Variants in WWOX observed in about 807,000 individuals in gnomAD.
WWOX encodes WW domain-containing oxidoreductase.
In WWOX, 69 loss-of-function variants were observed where a neutral mutation model predicts 46.2. The ratio of observed to expected loss-of-function variants is 1.49; its 90% CI spans 1.23 to 1.82. The LOEUF (loss-of-function observed/expected upper bound fraction) is 1.82, where lower values mean the gene tolerates loss of function less well. Ranked by LOEUF, WWOX falls within the 40% of genes most tolerant of loss-of-function variation. The pLI is 0.00. For missense variants in WWOX, 919 were observed against 542.6 expected (o/e 1.69, Z -6.89); for synonymous variants, 359 against 202.6 (o/e 1.77, Z -6.56).
chr16:78,861,852 G>C (rs2151192546), intron 8 of WWOX, among the ~76,000 whole-genome samples: 1 of 152,252 alleles, frequency 6.6e-6, no homozygotes, highest in African/African-American at 2.4e-5. Flanking sequence ...CATGTTTCCA[G>C]GCCTCTAATG....
At chr16:78,668,149 A>G (rs1319824408) in intron 8 of WWOX, among the ~76,000 whole-genome samples, 2 of 152,098 alleles carry the variant, frequency 1.3e-5, no homozygotes, top group African/African-American at 4.8e-5. Context: ...CTGTGGTGGC[A>G]CATGCCTGTA....
intron 8 of WWOX, among the ~76,000 whole-genome samples, chr16:78,474,973 A>C: frequency 6.6e-6 from 1 of 152,196 alleles, no homozygotes; most frequent in South Asian, 2.1e-4. Flanking sequence ...TATTTAATTT[A>C]TTTAGGCACG....
chr16:78,288,194 A>G (rs1248961817), intron 5 of WWOX, among the ~76,000 whole-genome samples: 2 of 152,042 alleles, frequency 1.3e-5, no homozygotes, highest in East Asian at 1.9e-4. Flanking sequence ...TTTTTATTTA[A>G]TATGGCCGGT....
intron 5 of WWOX, among the ~76,000 whole-genome samples, chr16:78,237,932 T>G (rs1170457793): frequency 6.6e-6 from 1 of 152,218 alleles, no homozygotes; most frequent in Non-Finnish European, 1.5e-5. Context: ...ACAACAATTT[T>G]CAGTCTTTTT....
chr16:78,276,961 C>T (rs1333980587), intron 5 of WWOX, among the ~76,000 whole-genome samples: 1 of 152,166 alleles, frequency 6.6e-6, no homozygotes, highest in East Asian at 1.9e-4. Flanking sequence ...TATAACATTA[C>T]ATATTCATGG....
chr16:79,085,170 G>A (rs759059368), intron 8 of WWOX, among the ~76,000 whole-genome samples: 1 of 151,978 alleles, frequency 6.6e-6, no homozygotes, highest in Non-Finnish European at 1.5e-5. Flanking sequence ...ACAAAAACAC[G>A]GGAGTACCAT....
rs1002408678 is a variant in WWOX, at chr16:78,867,726, G to T, written c.1057-343882G>T. ...TGGCTAATTAAGTGAGTTTCTTAAA[G>T]TCCTACAACTGGTGAGCTGTGAGCT... is the stretch of plus-strand genomic sequence containing the variant. On this transcript the variant is annotated intron_variant, in intron 8 of 8. Transcript: ENST00000566780. Among the ~76,000 whole-genome samples, 6 of 152,116 alleles carry T rather than the reference G, an allele frequency of 3.9e-5. No individual in the cohort carries two copies. In the Middle Eastern group the frequency reaches 0.014, roughly 345 times the overall value.
intron 8 of WWOX, among the ~76,000 whole-genome samples, chr16:78,773,442 G>A (rs2050114656): frequency 6.6e-6 from 1 of 152,194 alleles, no homozygotes; most frequent in Admixed American, 6.5e-5. Flanking sequence ...CTCCCCTCGG[G>A]ACATTCCTCC....
At chr16:78,475,000 C>T (rs1016115377) in intron 8 of WWOX, among the ~76,000 whole-genome samples, 19 of 152,076 alleles carry the variant, frequency 1.2e-4, no homozygotes, top group Admixed American at 6.6e-5. Flanking sequence ...TTATGAGATT[C>T]ATCTTTGTAG....
At chr16:79,204,440 G>A (rs1409499400) in intron 8 of WWOX, 2 of 152,062 alleles carry the variant, frequency 1.3e-5, no homozygotes, top group African/African-American at 2.4e-5. Flanking sequence ...CCCCAGCAAA[G>A]CATGTCTAGG....
intron 8 of WWOX, among the ~76,000 whole-genome samples, chr16:79,210,583 C>G (rs1403932308): frequency 1.3e-5 from 2 of 152,168 alleles, no homozygotes; most frequent in Admixed American, 6.5e-5. Flanking sequence ...CTCTCATCAG[C>G]TGAAAATTAG....
At chr16:78,471,285 A>G (rs2084214181) in intron 8 of WWOX, among the ~76,000 whole-genome samples, 1 of 152,240 alleles carries the variant, frequency 6.6e-6, no homozygotes, top group Admixed American at 6.5e-5. Context: ...TGATGCAAAC[A>G]TGGAATACAG....
intron 8 of WWOX, among the ~76,000 whole-genome samples, chr16:78,523,807 A>G (rs1567621136): frequency 1.3e-5 from 2 of 152,204 alleles, no homozygotes; most frequent in African/African-American, 2.4e-5. Flanking sequence ...ACAGCTGCTC[A>G]CACACTCCCT....
At chr16:78,202,813 T>G (rs533832436) in intron 5 of WWOX, among the ~76,000 whole-genome samples, 7 of 34,782 alleles carry the variant, frequency 2.0e-4, no homozygotes, top group South Asian at 1.1e-3. Flanking sequence ...GCCTGGTGGG[T>G]TTTTTTTTTT....
intron 8 of WWOX, among the ~76,000 whole-genome samples, chr16:78,480,209 A>G (rs538218908): frequency 1.3e-5 from 2 of 152,356 alleles, no homozygotes; most frequent in African/African-American, 4.8e-5. Flanking sequence ...AATCTTCAGT[A>G]GCCAGATGTG....
At chr16:78,445,519 C>G (rs1320949318) in intron 8 of WWOX, among the ~76,000 whole-genome samples, 1 of 152,200 alleles carries the variant, frequency 6.6e-6, no homozygotes, top group African/African-American at 2.4e-5. Flanking sequence ...ACCACTCCGA[C>G]TTCAGCCCAG....
chr16:78,176,496 T>G (rs991767612), intron 5 of WWOX, among the ~76,000 whole-genome samples: 1 of 152,220 alleles, frequency 6.6e-6, no homozygotes, highest in Non-Finnish European at 1.5e-5. Context: ...TCTCAGATTC[T>G]AATTGTTCCG....
At chr16:78,606,471 T>C (rs1363989817) in intron 8 of WWOX, among the ~76,000 whole-genome samples, 1 of 149,824 alleles carries the variant, frequency 6.7e-6, no homozygotes, top group Non-Finnish European at 1.5e-5. Flanking sequence ...AAAAAAAGGG[T>C]GCTTGATGCC....
intron 8 of WWOX, among the ~76,000 whole-genome samples, chr16:78,775,579 A>G (rs1463850048): frequency 2.0e-5 from 3 of 152,102 alleles, no homozygotes; most frequent in Non-Finnish European, 4.4e-5. Flanking sequence ...CTTGGAGGGC[A>G]TGGTGTTTCA....
Sources: allele counts gnomAD v4.1 joint callset (sites outside exome capture counted in the v4.1 genomes callset), GRCh38; gene constraint gnomAD v4.1.1; transcripts MANE v1.5; gene names NCBI Gene and HGNC (gene_info 2026-07-23, HGNC 2026-07-21).